The following FBXL20 variants were observed in gnomAD, a reference collection of about 807,000 sequenced individuals.
FBXL20 encodes F-box/LRR-repeat protein 20.
FBXL20 carries 11 observed loss-of-function variants against 64.0 expected under a neutral mutation model. That is an observed-to-expected ratio of 0.17 (90% CI 0.11 to 0.28). FBXL20 has a LOEUF of 0.28. Among genes scored for constraint, FBXL20 ranks in the 10% least tolerant of loss-of-function variants. The pLI is 1.00. For missense variants in FBXL20, 303 were observed against 526.2 expected (o/e 0.58, Z 4.15); for synonymous variants, 184 against 189.0 (o/e 0.97, Z 0.22).
chr17:39,310,410 C>T (rs1054185215), intron 2 of FBXL20, among the ~76,000 whole-genome samples: 3 of 152,006 alleles, frequency 2.0e-5, no homozygotes, highest in African/African-American at 4.8e-5. Context: ...CCTTTCCTTC[C>T]GCCAGTTACC....
intron 6 of FBXL20, among the ~76,000 whole-genome samples, chr17:39,293,245 G>A (rs181641793): frequency 4.2e-4 from 61 of 143,726 alleles, no homozygotes; most frequent in Admixed American, 1.4e-3. Context: ...TTTTTGAGAC[G>A]GAGTCTCGCT....
At chr17:39,353,795 G>A (rs1161333589) in intron 1 of FBXL20, among the ~76,000 whole-genome samples, 1 of 151,894 alleles carries the variant, frequency 6.6e-6, no homozygotes, top group Non-Finnish European at 1.5e-5. Context: ...GCTAATTTTT[G>A]TATTTTTAGT....
chr17:39,266,090 T>C (rs1018370187), intron 12 of FBXL20, among the ~76,000 whole-genome samples: 8 of 57,474 alleles, frequency 1.4e-4, no homozygotes, highest in African/African-American at 5.4e-4. Context: ...TTTTTTTTTT[T>C]GAGACAGAGT....
intron 10 of FBXL20, among the ~76,000 whole-genome samples, chr17:39,274,478 A>G (rs978156982): frequency 1.3e-5 from 2 of 152,198 alleles, no homozygotes; most frequent in African/African-American, 4.8e-5. Flanking sequence ...TACAAAAAGT[A>G]AAAAACACAG....
intron 1 of FBXL20, among the ~76,000 whole-genome samples, chr17:39,346,903 T>C (rs1371227439): frequency 6.8e-6 from 1 of 147,372 alleles, no homozygotes; most frequent in Non-Finnish European, 1.5e-5. Context: ...CCAAGTGTTC[T>C]CATTGTTCAA....
chr17:39,357,422 T>G (rs2047753061), intron 1 of FBXL20, among the ~76,000 whole-genome samples: 1 of 152,198 alleles, frequency 6.6e-6, no homozygotes, highest in Non-Finnish European at 1.5e-5. Context: ...TGTCAACAAT[T>G]CACTGTCACT....
At chr17:39,376,675 T>A (rs2047970225) in intron 1 of FBXL20, among the ~76,000 whole-genome samples, 1 of 152,164 alleles carries the variant, frequency 6.6e-6, no homozygotes, top group Non-Finnish European at 1.5e-5. Flanking sequence ...GTTCTAGGTA[T>A]TAAGAAATTT....
Position 39,297,517 on chromosome 17 carries a change from G to A in FBXL20, c.330-322C>T, listed in dbSNP as rs376794353. On this transcript the variant is annotated intron_variant, in intron 5 of 14. Coordinates refer to ENST00000264658, the MANE Select transcript of FBXL20 (RefSeq NM_032875.3). ...ATATTTGGTCTTCAATTATGTCTAC[G>A]ATCAAGGAAACTCTGTAAAAACCCC... is the stretch of plus-strand genomic sequence containing the variant. 2.2e-4 allele frequency: 37 copies of A among 169,794 alleles called. No homozygotes were observed. The East Asian group carries it at 4.7e-3, about 22-fold the overall frequency. The allele number at this position is 169,794 out of a possible 1,614,324, so 10.5% of individuals were successfully genotyped here. A position where few individuals can be genotyped will look rare whatever the true frequency, so the allele number is the denominator to read the frequency against.
chr17:39,286,851 G>A (rs1195752703), intron 6 of FBXL20, among the ~76,000 whole-genome samples: 1 of 150,550 alleles, frequency 6.6e-6, no homozygotes, highest in Non-Finnish European at 1.5e-5. Flanking sequence ...TTTATTCCAG[G>A]ATTTTAAAGC....
chr17:39,271,342 A>G (rs2046841449), intron 10 of FBXL20, among the ~76,000 whole-genome samples: 2 of 152,178 alleles, frequency 1.3e-5, no homozygotes, highest in Admixed American at 1.3e-4. Flanking sequence ...TCATGCCTAT[A>G]ATCCCAACAC....
chr17:39,344,343 C>A (rs1395124780), intron 1 of FBXL20, among the ~76,000 whole-genome samples: 2 of 149,376 alleles, frequency 1.3e-5, no homozygotes, highest in African/African-American at 5.0e-5. Context: ...ACAGTGAGAA[C>A]CCCTCTCCAA....
intron 6 of FBXL20, among the ~76,000 whole-genome samples, chr17:39,290,867 C>T (rs995875161): frequency 3.9e-5 from 6 of 151,964 alleles, no homozygotes; most frequent in East Asian, 1.9e-4. Flanking sequence ...TCAGCCTGTG[C>T]GTGTTCTTTC....
chr17:39,276,926 CG>C (rs1567860329), intron 9 of FBXL20, among the ~76,000 whole-genome samples: 1 of 151,934 alleles, frequency 6.6e-6, no homozygotes, highest in African/African-American at 2.4e-5. Context: ...CCCCAACTCC[CG>C]TAAACAAAAA....
rs199642093 is a variant in FBXL20, at chr17:39,401,345, C to T, written c.42+16G>A. 7.1e-6 allele frequency: 11 copies of T among 1,552,246 alleles called. No homozygotes were observed. Among genetic ancestry groups the T allele is most frequent in the Admixed American group, 3.4e-5 (2 of 58,244 alleles). On this transcript the variant is annotated intron_variant, in intron 1 of 14. Transcript: ENST00000264658. The stretch of plus-strand genomic sequence containing the variant: ...ACCCGCCCTCCTCACGCCGCCCGAG[C>T]CCCCCAAGCTCACACCTCAAACCTG...
intron 1 of FBXL20, among the ~76,000 whole-genome samples, chr17:39,393,828 G>A (rs2048157760): frequency 6.6e-6 from 1 of 152,076 alleles, no homozygotes; most frequent in African/African-American, 2.4e-5. Flanking sequence ...ATGCAAATTT[G>A]GTTTGGATTT....
intron 2 of FBXL20, among the ~76,000 whole-genome samples, chr17:39,337,176 C>T (rs1224258481): frequency 1.2e-4 from 19 of 152,164 alleles, no homozygotes; most frequent in African/African-American, 3.4e-4. Flanking sequence ...CTGGTGGAGA[C>T]GGGGTTTCGC....
chr17:39,326,243 A>G (rs1480949081), intron 2 of FBXL20, among the ~76,000 whole-genome samples: 2 of 152,158 alleles, frequency 1.3e-5, no homozygotes, highest in Non-Finnish European at 2.9e-5. Flanking sequence ...ACCCAGTCTC[A>G]GGTATTTAAT....
At chr17:39,318,286 A>G (rs1188960875) in intron 2 of FBXL20, among the ~76,000 whole-genome samples, 1 of 152,168 alleles carries the variant, frequency 6.6e-6, no homozygotes, top group Admixed American at 6.5e-5. Context: ...ATGCCTAAAG[A>G]ATGAGAAGCT....
At chr17:39,372,616 ATTTT>A (rs200200903) in intron 1 of FBXL20, among the ~76,000 whole-genome samples, 2 of 138,624 alleles carry the variant, frequency 1.4e-5, no homozygotes, top group African/African-American at 2.6e-5. Flanking sequence ...CTGTTTGATA[ATTTT>A]TTTTTTTTTT....
Sources: gnomAD v4.1 joint callset for allele counts (sites outside exome capture counted in the v4.1 genomes callset) on GRCh38, gnomAD v4.1.1 for gene constraint, MANE v1.5 for transcripts, NCBI Gene and HGNC (gene_info 2026-07-23, HGNC 2026-07-21) for gene names.